PLCZ1: variants seen among roughly 807,000 people sequenced by gnomAD.
PLCZ1 encodes the protein phospholipase C zeta 1, also known as 1-phosphatidylinositol 4,5-bisphosphate phosphodiesterase zeta-1.
A neutral mutation model predicts 76.8 loss-of-function variants in PLCZ1; 64 were observed. The ratio of observed to expected loss-of-function variants is 0.83; its 90% CI spans 0.68 to 1.03. The LOEUF is 1.03. Among genes scored for constraint, PLCZ1 ranks in the 50% least tolerant of loss-of-function variants. The pLI is 0.00. For synonymous variants in PLCZ1, 248 were observed against 230.8 expected, an observed-to-expected ratio of 1.07 and a Z score of -0.68; for missense variants, 751 against 713.7, an observed-to-expected ratio of 1.05 and a Z score of -0.60.
At chr12:18,661,117 C>T in the PLCZ1 span, among the ~76,000 whole-genome samples, 9 of 151,838 alleles carry the variant, frequency 5.9e-5, no homozygotes, top group Non-Finnish European at 1.2e-4. Flanking sequence ...TGGGGAATAG[C>T]AATAAAGATT....
At position 18,736,271 on chromosome 12, in the gene PLCZ1, C is replaced by T; in HGVS notation, c.85G>A (p.Glu29Lys). ...INLEKTQRLL[E>K]KLDIRCSYIH... ...TAACTGCACCGAATATCTAATTTTT[C>T]AAGTAACCTCTGAGTTTTTTCTAGG... Residue 29 changes from glutamate (E) to lysine (K), a missense_variant, in exon 3 of 15, where the codon GAA becomes AAA. Glu to Lys is a moderately conservative substitution (Grantham distance 56). Transcript: ENST00000266505. The T allele has an allele frequency of 6.2e-7, 1 of 1,612,718 alleles. No individual in the cohort carries two copies. Among genetic ancestry groups the T allele is most frequent in the Non-Finnish European group, 8.5e-7 (1 of 1,179,194 alleles).
At chr12:18,705,901 A>C (rs929871522) in intron 6 of PLCZ1, among the ~76,000 whole-genome samples, 4 of 150,716 alleles carry the variant, frequency 2.7e-5, no homozygotes, top group Non-Finnish European at 5.9e-5. Flanking sequence ...AAATTATACC[A>C]TATCCATATA....
intron 7 of PLCZ1, among the ~76,000 whole-genome samples, chr12:18,702,729 T>G (rs1251278169): frequency 6.6e-6 from 1 of 152,124 alleles, no homozygotes; most frequent in Non-Finnish European, 1.5e-5. Flanking sequence ...ATCAGAATCT[T>G]GAATTGTGGG....
At chr12:18,713,088 C>A (rs1957531461) in intron 5 of PLCZ1, 102 bp from the exon 6 acceptor site, 3 of 1,422,888 alleles carry the variant, frequency 2.1e-6, no homozygotes, top group Non-Finnish European at 2.9e-6. Flanking sequence ...ATAATAAATG[C>A]ATAAATGAGT....
chr12:18,737,186 A>G (rs1022178789), intron 2 of PLCZ1, among the ~76,000 whole-genome samples, 175 bp downstream of exon 2: 1 of 152,204 alleles, frequency 6.6e-6, no homozygotes, highest in African/African-American at 2.4e-5. Context: ...CTTGTAAGAA[A>G]AAGATACCAG....
chr12:18,715,461 G>C (rs547054215), intron 5 of PLCZ1, among the ~76,000 whole-genome samples: 12 of 151,596 alleles, frequency 7.9e-5, no homozygotes, highest in African/African-American at 2.9e-4. Flanking sequence ...GGGTGCAGTG[G>C]CGCGATCTCG....
chr12:18,695,533 C>T (rs1296902116), intron 11 of PLCZ1, among the ~76,000 whole-genome samples: 1 of 152,046 alleles, frequency 6.6e-6, no homozygotes, highest in Non-Finnish European at 1.5e-5. Context: ...TATGGAAGTA[C>T]CTCAGTATAG....
At chr12:18,698,288 C>CTATTCTACTCCAT (rs1565677402) in intron 10 of PLCZ1, among the ~76,000 whole-genome samples, 5 of 54,872 alleles carry the variant, frequency 9.1e-5, no homozygotes, top group African/African-American at 3.3e-4. Context: ...TTCTATTCTA[C>CTATTCTACTCCAT]TCCATTCCAT....
rs775070073 is a variant in PLCZ1, at chr12:18,723,493, G to C, written c.185C>G (p.Ala62Gly). 1 of 1,612,764 alleles carries C rather than the reference G, an allele frequency of 6.2e-7. No individual in the cohort carries two copies. Among genetic ancestry groups the C allele is most frequent in the Non-Finnish European group, 8.5e-7 (1 of 1,179,432 alleles). The change falls in exon 4 of 15, where the codon GCA becomes GGA. Residue 62 changes from alanine (A) to glycine (G), a missense_variant. Coordinates refer to ENST00000266505, the MANE Select transcript of PLCZ1 (RefSeq NM_033123.4). The part of the protein sequence containing the change: ...QGRITIEEFR[A>G]IYRIITHREE... ...TCTGTGCGTGATAATTCGATAAATT[G>C]CTCTAAATTCTTCTATGGTGATTCT...
chr12:18,676,010 T>TAA, the PLCZ1 span, among the ~76,000 whole-genome samples: 1 of 151,224 alleles, frequency 6.6e-6, no homozygotes, highest in East Asian at 2.0e-4. Flanking sequence ...TGAATCTATT[T>TAA]AAAAAAAAAC....
intron 14 of PLCZ1, 63 bp from the exon 15 acceptor site, chr12:18,683,387 C>T: frequency 6.5e-7 from 1 of 1,546,978 alleles, no homozygotes; most frequent in Non-Finnish European, 8.9e-7. Flanking sequence ...CTCCAATAGC[C>T]TTGCTGAGAA....
chr12:18,725,388 A>G (rs1171929674), intron 3 of PLCZ1, among the ~76,000 whole-genome samples: 1 of 152,176 alleles, frequency 6.6e-6, no homozygotes, highest in East Asian at 1.9e-4. Flanking sequence ...GTAAGAGAAA[A>G]CTGAAGCACA....
At chr12:18,696,116 T>C in intron 11 of PLCZ1, 34 bp downstream of exon 11, 1 of 1,118,886 alleles carries the variant, frequency 8.9e-7, no homozygotes, top group Non-Finnish European at 1.3e-6. Context: ...TTTATGTTAC[T>C]TCTGCAAACA....
rs759170004 is a variant in PLCZ1, at chr12:18,723,754, G to A, written c.136-212C>T. 2.0e-5 allele frequency among the ~76,000 whole-genome samples: 3 copies of A among 152,144 alleles called. No individual in the cohort carries two copies. In the South Asian group the frequency reaches 6.2e-4, roughly 32 times the overall value. On this transcript the variant is annotated intron_variant, in intron 3 of 14. Coordinates refer to ENST00000266505, the MANE Select transcript of PLCZ1 (RefSeq NM_033123.4). ...AACTCTTGAAACCCAGTGGTTATAG[G>A]GATAAAGAAAGGAATGTGGGAGAAA...
At chr12:18,694,377 A>T (rs1432646570) in intron 12 of PLCZ1, among the ~76,000 whole-genome samples, 1 of 152,188 alleles carries the variant, frequency 6.6e-6, no homozygotes, top group East Asian at 1.9e-4. Context: ...GTTAAAGTTG[A>T]CACAAATTAA....
At position 18,683,232 on chromosome 12, in the gene PLCZ1, T is replaced by C; in HGVS notation, c.*7A>G. ...ATAGCTAATGATATGTCATTTATCA[T>C]TAGCTGTTATCTGACGTACCAAACA... On this transcript the variant is annotated 3_prime_UTR_variant, in exon 15 of 15. Transcript: ENST00000266505. 1.9e-6 allele frequency: 3 copies of C among 1,610,668 alleles called. No homozygotes were observed.
chr12:18,737,763 T>G lies in PLCZ1; in HGVS notation c.-139+169A>C, dbSNP rs17488186. 3,481 of 350,988 alleles carry G rather than the reference T, an allele frequency of 9.9e-3. 41 individuals carry two copies. The highest frequency in any genetic ancestry group is 0.014 in the Non-Finnish European group (2,520 of 185,802). 21.7% of individuals were successfully genotyped at this position (350,988 alleles called of 1,614,324 possible). On this transcript the variant is annotated intron_variant, in intron 1 of 14. Coordinates refer to ENST00000266505, the MANE Select transcript of PLCZ1 (RefSeq NM_033123.4). Reference sequence around the variant, plus strand: ...TTTTTTACTACTTTGTTTAAACCCCTCAAACCTTTCATCATAATATGCTTC... The same window carrying G: ...TTTTTTACTACTTTGTTTAAACCCCGCAAACCTTTCATCATAATATGCTTC...
intron 14 of PLCZ1, 36 bp from the exon 15 acceptor site, chr12:18,683,360 C>G: frequency 6.3e-7 from 1 of 1,594,252 alleles, no homozygotes; most frequent in Non-Finnish European, 8.6e-7. Context: ...GACCAATAAC[C>G]AATTAATCAG....
chr12:18,647,298 G>A, the PLCZ1 span, among the ~76,000 whole-genome samples: 7 of 151,994 alleles, frequency 4.6e-5, no homozygotes, highest in African/African-American at 1.4e-4. Flanking sequence ...TTCCAAAAGA[G>A]AGAAGAAACA....
Sources: gnomAD v4.1 joint callset for allele counts (sites outside exome capture counted in the v4.1 genomes callset) on GRCh38, gnomAD v4.1.1 for gene constraint, MANE v1.5 for transcripts, NCBI Gene and HGNC (gene_info 2026-07-23, HGNC 2026-07-21) for gene names.